The following MACROD2 variants were observed in gnomAD, a reference collection of about 807,000 sequenced individuals.
MACROD2 encodes ADP-ribose glycohydrolase MACROD2.
A neutral mutation model predicts 70.4 loss-of-function variants in MACROD2; 36 were observed. That is an observed-to-expected ratio of 0.51 (90% CI 0.39 to 0.68). The LOEUF is 0.68. Among genes scored for constraint, MACROD2 ranks in the 30% least tolerant of loss-of-function variants. The pLI is 0.00. For synonymous variants in MACROD2, 172 were observed against 178.8 expected (o/e 0.96, Z 0.30); for missense variants, 496 against 538.4 (o/e 0.92, Z 0.78).
chr20:16,038,418 C>T (rs2067262799), intron 15 of MACROD2, among the ~76,000 whole-genome samples: 2 of 151,826 alleles, frequency 1.3e-5, no homozygotes, highest in Admixed American at 1.3e-4. Flanking sequence ...TTTTCATCTG[C>T]AATTTAGGCT....
intron 3 of MACROD2, among the ~76,000 whole-genome samples, chr20:14,117,731 C>T (rs2054533395): frequency 6.6e-6 from 1 of 152,144 alleles, no homozygotes; most frequent in Non-Finnish European, 1.5e-5. Flanking sequence ...TTGCTTTTCT[C>T]ATGCCTTGTT....
intron 4 of MACROD2, among the ~76,000 whole-genome samples, chr20:14,541,658 T>C (rs1368472708): frequency 6.6e-6 from 1 of 151,920 alleles, no homozygotes; most frequent in African/African-American, 2.4e-5. Context: ...AATGATGTGC[T>C]TGAGAGGGAA....
At chr20:14,899,752 A>G (rs538703803) in intron 5 of MACROD2, among the ~76,000 whole-genome samples, 2 of 152,288 alleles carry the variant, frequency 1.3e-5, no homozygotes, top group South Asian at 2.1e-4. Flanking sequence ...TTAAAAGGCA[A>G]CCTCTTTAAT....
At chr20:14,825,597 C>T (rs1324932479) in intron 5 of MACROD2, among the ~76,000 whole-genome samples, 1 of 152,076 alleles carries the variant, frequency 6.6e-6, no homozygotes, top group South Asian at 2.1e-4. Context: ...TCTTTTCCTT[C>T]GCTGTTTGGC....
At chr20:15,382,455 A>G (rs559405606) in intron 6 of MACROD2, among the ~76,000 whole-genome samples, 1 of 152,320 alleles carries the variant, frequency 6.6e-6, no homozygotes, top group South Asian at 2.1e-4. Flanking sequence ...TCCCCTTAAA[A>G]TTGAAAAATT....
chr20:15,269,834 C>T (rs929854779), intron 6 of MACROD2, among the ~76,000 whole-genome samples: 16 of 152,180 alleles, frequency 1.1e-4, no homozygotes, highest in African/African-American at 3.9e-4. Flanking sequence ...ACATTTCACT[C>T]TCTGCATCAC....
chr20:14,609,918 C>A (rs750862951), intron 4 of MACROD2, among the ~76,000 whole-genome samples: 10 of 152,134 alleles, frequency 6.6e-5, no homozygotes, highest in Non-Finnish European at 1.5e-4. Context: ...TCTTCAAGAA[C>A]TTAATCCCTT....
At chr20:14,750,448 C>T (rs1193290560) in intron 5 of MACROD2, among the ~76,000 whole-genome samples, 1 of 151,958 alleles carries the variant, frequency 6.6e-6, no homozygotes, top group Non-Finnish European at 1.5e-5. Flanking sequence ...CCAATTATTA[C>T]TATTTATTGT....
intron 10 of MACROD2, among the ~76,000 whole-genome samples, chr20:15,908,028 G>A (rs1383833455): frequency 1.3e-5 from 2 of 152,148 alleles, no homozygotes; most frequent in African/African-American, 4.8e-5. Flanking sequence ...ACCTGACCAT[G>A]AAATTTTAAT....
intron 5 of MACROD2, among the ~76,000 whole-genome samples, chr20:15,144,679 G>A (rs1188857723): frequency 6.6e-6 from 1 of 152,150 alleles, no homozygotes; most frequent in East Asian, 1.9e-4. Context: ...GTCACACTAT[G>A]ACTGAGATGG....
chr20:14,217,852 A>C (rs1268619670), intron 3 of MACROD2, among the ~76,000 whole-genome samples: 2 of 152,096 alleles, frequency 1.3e-5, no homozygotes, highest in African/African-American at 2.4e-5. Flanking sequence ...GTCAGCTGTA[A>C]TATCTCCTGT....
At chr20:15,487,728 C>T (rs892430285) in intron 7 of MACROD2, among the ~76,000 whole-genome samples, 1 of 152,144 alleles carries the variant, frequency 6.6e-6, no homozygotes, top group Non-Finnish European at 1.5e-5. Flanking sequence ...CAAATGTTCA[C>T]CTCAGGGGAG....
At chr20:14,378,991 C>G (rs1030039058) in intron 3 of MACROD2, among the ~76,000 whole-genome samples, 2 of 152,126 alleles carry the variant, frequency 1.3e-5, no homozygotes, top group African/African-American at 4.8e-5. Flanking sequence ...TCCAAATCTA[C>G]CCTAGAATCT....
intron 3 of MACROD2, among the ~76,000 whole-genome samples, chr20:14,301,726 A>G (rs1347165141): frequency 6.6e-6 from 1 of 152,156 alleles, no homozygotes; most frequent in Non-Finnish European, 1.5e-5. Context: ...TGTCCCCTTA[A>G]AGCATTACAT....
intron 13 of MACROD2, among the ~76,000 whole-genome samples, chr20:15,973,805 C>T (rs1041669969): frequency 3.3e-5 from 5 of 152,124 alleles, no homozygotes; most frequent in African/African-American, 4.8e-5. Flanking sequence ...CCAATCTATT[C>T]GGTTAGAAGT....
intron 5 of MACROD2, among the ~76,000 whole-genome samples, chr20:15,118,480 C>G (rs963237077): frequency 2.0e-5 from 3 of 152,106 alleles, no homozygotes; most frequent in Non-Finnish European, 2.9e-5. Context: ...CATGAGCCAC[C>G]ATGCCCAGCC....
chr20:14,491,677 A>G (rs1168228549), intron 3 of MACROD2, among the ~76,000 whole-genome samples: 5 of 152,156 alleles, frequency 3.3e-5, no homozygotes, highest in African/African-American at 1.2e-4. Context: ...AAAACAGGCA[A>G]CCTCCACCTT....
intron 5 of MACROD2, among the ~76,000 whole-genome samples, chr20:15,212,484 G>A (rs1011097045): frequency 1.3e-5 from 2 of 152,192 alleles, no homozygotes; most frequent in Non-Finnish European, 2.9e-5. Flanking sequence ...GAGTAGACAA[G>A]TTTTACTTTT....
intron 2 of MACROD2, among the ~76,000 whole-genome samples, chr20:14,011,665 A>G (rs955064620): frequency 6.6e-6 from 1 of 150,494 alleles, no homozygotes; most frequent in Non-Finnish European, 1.5e-5. Context: ...ACTAGCTGGG[A>G]CTCCAGGCGC....
Sources: allele counts gnomAD v4.1 joint callset (sites outside exome capture counted in the v4.1 genomes callset), GRCh38; gene constraint gnomAD v4.1.1; transcripts MANE v1.5; gene names NCBI Gene and HGNC (gene_info 2026-07-23, HGNC 2026-07-21).